The following KCNQ3 variants were observed in gnomAD, a reference collection of about 807,000 sequenced individuals.
KCNQ3 encodes potassium voltage-gated channel subfamily Q member 3.
A neutral mutation model predicts 92.5 loss-of-function variants in KCNQ3; 30 were observed. That is an observed-to-expected ratio of 0.32 (90% CI 0.24 to 0.44). KCNQ3 has a LOEUF of 0.44. Among genes scored for constraint, KCNQ3 ranks in the 20% least tolerant of loss-of-function variants. The probability of loss-of-function intolerance (pLI) is 1.00; values close to 1 mark genes in which losing one functional copy is unlikely to be tolerated. For missense variants in KCNQ3, 913 were observed against 1,140.3 expected (o/e 0.80, Z 2.87); for synonymous variants, 450 against 468.8 (o/e 0.96, Z 0.52).
chr8:132,140,852 C>A (rs950744745), intron 10 of KCNQ3: 2 of 478,514 alleles, frequency 4.2e-6, no homozygotes, highest in Non-Finnish European at 7.6e-6. Context: ...AATCATGGGG[C>A]GGGGGGTCGG....
chr8:132,400,342 G>C (rs1289127064), intron 1 of KCNQ3, among the ~76,000 whole-genome samples: 1 of 152,186 alleles, frequency 6.6e-6, no homozygotes, highest in Non-Finnish European at 1.5e-5. Context: ...GCATTGAGTG[G>C]AACCCCAGGG....
At chr8:132,139,971 T>G in intron 11 of KCNQ3, 105 bp downstream of exon 11, 3 of 778,828 alleles carry the variant, frequency 3.9e-6, no homozygotes, top group Non-Finnish European at 6.3e-6. Flanking sequence ...GGGGCTTCTC[T>G]TCCCCCTTCC....
At chr8:132,475,110 C>T (rs1174529857) in intron 1 of KCNQ3, among the ~76,000 whole-genome samples, 8 of 152,288 alleles carry the variant, frequency 5.3e-5, no homozygotes, top group South Asian at 2.1e-4. Flanking sequence ...CCTTCTGCCA[C>T]GATTGTAGGT....
At chr8:132,364,552 C>T (rs182896372) in intron 1 of KCNQ3, among the ~76,000 whole-genome samples, 1 of 152,270 alleles carries the variant, frequency 6.6e-6, no homozygotes, top group East Asian at 1.9e-4. Context: ...TTTGTACATT[C>T]CAGAAGGCAA....
At chr8:132,143,076 G>A (rs1460527659) in intron 9 of KCNQ3, among the ~76,000 whole-genome samples, 2 of 152,174 alleles carry the variant, frequency 1.3e-5, no homozygotes, top group Non-Finnish European at 2.9e-5. Flanking sequence ...ATATGAATGA[G>A]CAGTGAGCAG....
At chr8:132,323,662 G>C (rs866774228) in intron 1 of KCNQ3, among the ~76,000 whole-genome samples, 3 of 151,960 alleles carry the variant, frequency 2.0e-5, no homozygotes, top group African/African-American at 7.3e-5. Context: ...AAATTAATGT[G>C]TCAACTGATT....
chr8:132,319,922 G>A (rs774035144), intron 1 of KCNQ3, among the ~76,000 whole-genome samples: 14 of 152,158 alleles, frequency 9.2e-5, no homozygotes, highest in Non-Finnish European at 1.6e-4. Flanking sequence ...CTCCCCAGAT[G>A]AACTCCCTCC....
At chr8:132,202,410 G>C (rs533395769) in intron 1 of KCNQ3, among the ~76,000 whole-genome samples, 16 of 152,016 alleles carry the variant, frequency 1.1e-4, no homozygotes, top group Admixed American at 9.8e-4. Flanking sequence ...TTACATGGCC[G>C]GACTGGGAGC....
chr8:132,185,652 T>G (rs1826935712), intron 2 of KCNQ3, among the ~76,000 whole-genome samples: 1 of 152,030 alleles, frequency 6.6e-6, no homozygotes, highest in South Asian at 2.1e-4. Flanking sequence ...GAGGGGAGAT[T>G]TAGAGGTTTC....
chr8:132,160,675 G>A (rs1288367677), intron 9 of KCNQ3, among the ~76,000 whole-genome samples: 2 of 149,280 alleles, frequency 1.3e-5, no homozygotes, highest in Admixed American at 6.6e-5. Context: ...TTATAAAGCT[G>A]TCGCTTATGA....
intron 5 of KCNQ3, among the ~76,000 whole-genome samples, chr8:132,174,942 G>A (rs1037103245): frequency 6.6e-6 from 1 of 152,206 alleles, no homozygotes; most frequent in Non-Finnish European, 1.5e-5. Context: ...ACTTCTTCAT[G>A]CTTCAGTTTC....
At chr8:132,142,337 C>A (rs1825322536) in intron 9 of KCNQ3, among the ~76,000 whole-genome samples, 1 of 152,152 alleles carries the variant, frequency 6.6e-6, no homozygotes, top group Admixed American at 6.5e-5. Flanking sequence ...ATCTGGCTGA[C>A]CTTCGGCAAA....
intron 9 of KCNQ3, among the ~76,000 whole-genome samples, chr8:132,159,786 T>C (rs1825927427): frequency 6.6e-6 from 1 of 152,192 alleles, no homozygotes; most frequent in African/African-American, 2.4e-5. Flanking sequence ...CAGTTTAAGT[T>C]GGGTGGAACA....
intron 9 of KCNQ3, among the ~76,000 whole-genome samples, chr8:132,157,833 C>T (rs906245847): frequency 6.6e-4 from 101 of 152,164 alleles, no homozygotes; most frequent in East Asian, 1.9e-4. Flanking sequence ...CCCCTTGCCC[C>T]CCATCCACCG....
intron 1 of KCNQ3, among the ~76,000 whole-genome samples, chr8:132,296,450 T>G (rs1041027051): frequency 1.3e-5 from 2 of 152,152 alleles, no homozygotes; most frequent in Non-Finnish European, 2.9e-5. Flanking sequence ...GCAGGTTTGT[T>G]ACATATGTAT....
intron 1 of KCNQ3, among the ~76,000 whole-genome samples, chr8:132,447,545 T>A (rs776204528): frequency 6.6e-6 from 1 of 151,534 alleles, no homozygotes; most frequent in Non-Finnish European, 1.5e-5. Flanking sequence ...AGGAGCAGAG[T>A]AGCGGGTGAG....
chr8:132,363,436 G>A (rs1819226239), intron 1 of KCNQ3, among the ~76,000 whole-genome samples: 2 of 152,106 alleles, frequency 1.3e-5, no homozygotes, highest in African/African-American at 4.8e-5. Flanking sequence ...ATGCTACCGG[G>A]CCAGGTGGTG....
In KCNQ3 at chr8:132,130,260, T is replaced by C. The variant is rs112894691; in HGVS notation, c.1885-264A>G. On this transcript the variant is annotated intron_variant, in intron 14 of 14. Coordinates refer to ENST00000388996, the MANE Select transcript of KCNQ3 (RefSeq NM_004519.4). Reference sequence around the variant, plus strand: ...CCATGCCAGGCTAATGTTTGTATTATTAGTAGAGACGGGGTTTCACAATCT... The same window carrying C: ...CCATGCCAGGCTAATGTTTGTATTACTAGTAGAGACGGGGTTTCACAATCT... Among the ~76,000 whole-genome samples the C allele has an allele frequency of 0.021, 3,183 of 152,150 alleles. 60 individuals are homozygous for C. The highest frequency in any genetic ancestry group is 0.051 in the African/African-American group (2,135 of 41,490).
At chr8:132,294,000 G>GTTT (rs386414036) in intron 1 of KCNQ3, among the ~76,000 whole-genome samples, 50,418 of 123,704 alleles carry the variant, frequency 0.41, 12,098 homozygotes, top group East Asian at 0.66. Context: ...TGTGTGTGTG[G>GTTT]TTTTTTTTTT....
Sources: allele counts gnomAD v4.1 joint callset (sites outside exome capture counted in the v4.1 genomes callset), GRCh38; gene constraint gnomAD v4.1.1; transcripts MANE v1.5; gene names NCBI Gene and HGNC (gene_info 2026-07-23, HGNC 2026-07-21).